The following MAP2K4 variants were observed in gnomAD, a reference collection of about 807,000 sequenced individuals.
The protein encoded by MAP2K4 is mitogen-activated protein kinase kinase 4.
In MAP2K4, 4 loss-of-function variants were observed where a neutral mutation model predicts 48.5. The observed-to-expected ratio is 0.08, with a 90% CI of 0.04 to 0.19. The LOEUF (loss-of-function observed/expected upper bound fraction) is 0.19. Ranked by LOEUF, MAP2K4 falls within the 10% of genes least tolerant of loss-of-function variation. The probability of loss-of-function intolerance (pLI) is 1.00; values close to 1 mark genes in which losing one functional copy is unlikely to be tolerated. For synonymous variants in MAP2K4, 166 were observed against 173.1 expected (o/e 0.96, Z 0.32); for missense variants, 258 against 493.3 (o/e 0.52, Z 4.52).
At chr17:12,036,381 T>G (rs1160542429) in intron 1 of MAP2K4, 1 of 152,232 alleles carries the variant, frequency 6.6e-6, no homozygotes, top group Non-Finnish European at 1.5e-5. Context: ...ATTTATATAA[T>G]TTATGACCGT....
chr17:12,048,900 G>A (rs1384784051), intron 1 of MAP2K4, among the ~76,000 whole-genome samples: 6 of 151,706 alleles, frequency 4.0e-5, no homozygotes, highest in Admixed American at 6.6e-5. Flanking sequence ...CAGGTGGTCC[G>A]TCCGCCTCAG....
intron 1 of MAP2K4, among the ~76,000 whole-genome samples, chr17:12,022,614 T>C (rs1969122448): frequency 2.6e-5 from 4 of 152,316 alleles, no homozygotes; most frequent in African/African-American, 9.6e-5. Context: ...TACAGTGTGT[T>C]TTTTTGGTTC....
chr17:12,129,846 A>G (rs1431151998), intron 9 of MAP2K4, among the ~76,000 whole-genome samples: 2 of 152,206 alleles, frequency 1.3e-5, no homozygotes, highest in Non-Finnish European at 2.9e-5. Flanking sequence ...TTGTTTGTCT[A>G]CCTTTTTAAT....
chr17:12,060,370 T>TTAAAGAA (rs879589797), intron 2 of MAP2K4, among the ~76,000 whole-genome samples: 14 of 152,142 alleles, frequency 9.2e-5, no homozygotes, highest in Non-Finnish European at 1.9e-4. Context: ...AAGCCAGCCT[T>TTAAAGAA]GCACTGCCTT....
At position 12,110,222 on chromosome 17, in the gene MAP2K4, GTATCTTTGGTT is replaced by G. The variant is rs559808253; in HGVS notation, c.634-152_634-142del. ...AAGCTTTTAGATCTAAAATTATTCA[GTATCTTTGGTT>G]AACAAGAAATGACAAAATATTGAAA... On this transcript the variant is annotated intron_variant, in intron 5 of 10. Coordinates refer to ENST00000353533, the MANE Select transcript of MAP2K4 (RefSeq NM_003010.4). Among the ~76,000 whole-genome samples the G allele has an allele frequency of 8.5e-5, 13 of 152,256 alleles. No homozygotes were observed. The East Asian group carries it at 2.3e-3, about 27-fold the overall frequency.
At chr17:12,065,771 C>T (rs1217022636) in intron 2 of MAP2K4, among the ~76,000 whole-genome samples, 1 of 152,204 alleles carries the variant, frequency 6.6e-6, no homozygotes, top group Non-Finnish European at 1.5e-5. Flanking sequence ...TTTTTTTACT[C>T]TCACTGAGCA....
intron 7 of MAP2K4, among the ~76,000 whole-genome samples, chr17:12,113,952 AT>A (rs1012988299): frequency 2.0e-5 from 3 of 152,156 alleles, no homozygotes; most frequent in African/African-American, 7.2e-5. Context: ...TTTGATCTGT[AT>A]TTGAATGAAA....
chr17:12,059,773 C>A (rs1970393330), intron 2 of MAP2K4, among the ~76,000 whole-genome samples: 1 of 152,146 alleles, frequency 6.6e-6, no homozygotes, highest in Non-Finnish European at 1.5e-5. Context: ...AACTAATATT[C>A]CTCGTATTTC....
At chr17:12,043,592 T>C (rs964456815) in intron 1 of MAP2K4, among the ~76,000 whole-genome samples, 2 of 152,132 alleles carry the variant, frequency 1.3e-5, no homozygotes, top group African/African-American at 2.4e-5. Context: ...TTTGATAATT[T>C]GCTAGCATGT....
chr17:12,056,387 A>G (rs1970283231), intron 2 of MAP2K4, among the ~76,000 whole-genome samples: 1 of 152,102 alleles, frequency 6.6e-6, no homozygotes, highest in Non-Finnish European at 1.5e-5. Flanking sequence ...TTTTTAAAAA[A>G]TAGTAAACAC....
chr17:12,108,949 C>A (rs886128248), intron 5 of MAP2K4, among the ~76,000 whole-genome samples: 1 of 151,814 alleles, frequency 6.6e-6, no homozygotes, highest in Admixed American at 6.6e-5. Context: ...ATATATTAAA[C>A]CCGTGTTATC....
At chr17:12,130,492 T>C (rs557344029) in intron 9 of MAP2K4, among the ~76,000 whole-genome samples, 4 of 152,352 alleles carry the variant, frequency 2.6e-5, no homozygotes, top group Admixed American at 1.3e-4. Context: ...TAGGGTATAA[T>C]ATCTAAAATG....
chr17:12,071,246 G>A (rs1348423435), intron 2 of MAP2K4, among the ~76,000 whole-genome samples: 1 of 152,004 alleles, frequency 6.6e-6, no homozygotes, highest in Non-Finnish European at 1.5e-5. Context: ...TTTTTGTGTG[G>A]TGGGTGGTGT....
intron 2 of MAP2K4, among the ~76,000 whole-genome samples, chr17:12,058,225 T>C (rs1027132094): frequency 2.6e-4 from 38 of 144,660 alleles, no homozygotes; most frequent in African/African-American, 9.2e-4. Flanking sequence ...AACTAGACCT[T>C]TCTTTTTTTT....
At chr17:12,077,001 T>C (rs1474596010) in intron 2 of MAP2K4, among the ~76,000 whole-genome samples, 2 of 152,160 alleles carry the variant, frequency 1.3e-5, no homozygotes, top group East Asian at 3.9e-4. Context: ...ACATGAAGGA[T>C]GATAGGAAAG....
At chr17:12,042,305 G>A (rs1296180690) in intron 1 of MAP2K4, among the ~76,000 whole-genome samples, 1 of 151,874 alleles carries the variant, frequency 6.6e-6, no homozygotes, top group Non-Finnish European at 1.5e-5. Flanking sequence ...GATTCTTAAG[G>A]ACAGATCATG....
intron 2 of MAP2K4, among the ~76,000 whole-genome samples, chr17:12,066,027 C>T (rs1260337203): frequency 1.3e-5 from 2 of 152,032 alleles, no homozygotes; most frequent in African/African-American, 2.4e-5. Context: ...GTATCTGTTG[C>T]ACCACATCAG....
chr17:12,058,362 G>A (rs1970349654), intron 2 of MAP2K4, among the ~76,000 whole-genome samples: 1 of 151,832 alleles, frequency 6.6e-6, no homozygotes. Flanking sequence ...ACTGCGCCTG[G>A]CCTAGAACTT....
intron 2 of MAP2K4, among the ~76,000 whole-genome samples, chr17:12,062,227 C>T (rs28918118): frequency 0.015 from 2,359 of 152,210 alleles, 29 homozygotes; most frequent in Non-Finnish European, 0.023. Flanking sequence ...TTTTCACTTT[C>T]CCACTCTCAT....
Sources: gnomAD v4.1 joint callset for allele counts (sites outside exome capture counted in the v4.1 genomes callset) on GRCh38, gnomAD v4.1.1 for gene constraint, MANE v1.5 for transcripts, NCBI Gene and HGNC (gene_info 2026-07-23, HGNC 2026-07-21) for gene names.